Variants in PPIL6 observed in about 807,000 individuals in gnomAD.
PPIL6 encodes probable inactive peptidyl-prolyl cis-trans isomerase-like 6.
A neutral mutation model predicts 36.8 loss-of-function variants in PPIL6; 39 were observed. That is an observed-to-expected ratio of 1.06 (90% confidence interval 0.82 to 1.38). The LOEUF (loss-of-function observed/expected upper bound fraction) is 1.38. Ranked by LOEUF, PPIL6 falls within the 40% of genes most tolerant of loss-of-function variation. The probability of loss-of-function intolerance (pLI) is 0.00; values close to 1 mark genes in which losing one functional copy is unlikely to be tolerated. For missense variants in PPIL6, 368 were observed against 379.1 expected, an observed-to-expected ratio of 0.97 and a Z score of 0.24; for synonymous variants, 123 against 134.1, an observed-to-expected ratio of 0.92 and a Z score of 0.57.
At chr6:109,440,986 G>T (rs1298042175), upstream of PPIL6, 4 of 834,040 alleles carry the variant, frequency 4.8e-6, no homozygotes, top group Admixed American at 9.7e-5. Context: ...GAGCCACGCG[G>T]GCTTGGTGCC....
At chr6:109,427,064 C>G (rs932166451) in intron 4 of PPIL6, 30 bp downstream of exon 4, 2 of 1,596,248 alleles carry the variant, frequency 1.3e-6, no homozygotes, top group Admixed American at 3.3e-5. Context: ...ATCCTACCCC[C>G]ACAAACTTAC....
At chr6:109,431,043 C>T (rs1363900238) in intron 3 of PPIL6, 114 bp downstream of exon 3, 1 of 770,872 alleles carries the variant, frequency 1.3e-6, no homozygotes, top group African/African-American at 1.7e-5. Context: ...AGGCTTTAAA[C>T]TTAGTCTCCT....
At chr6:109,414,500 T>TTTG (rs1562262607) in intron 6 of PPIL6, among the ~76,000 whole-genome samples, 4 of 121,374 alleles carry the variant, frequency 3.3e-5, no homozygotes, top group African/African-American at 3.5e-5. Context: ...TTTTTTTTTT[T>TTTG]TTGAGACAAG....
chr6:109,431,996 A>C (rs1328708268), intron 2 of PPIL6, among the ~76,000 whole-genome samples: 1 of 152,214 alleles, frequency 6.6e-6, no homozygotes, highest in African/African-American at 2.4e-5. Context: ...ATTTTGTTTC[A>C]GCTTCTTCCT....
chr6:109,400,386 T>C lies in PPIL6; in HGVS notation c.689-216A>G, dbSNP rs1459914357. Among the ~76,000 whole-genome samples, 6 of 152,350 alleles carry C rather than the reference T, an allele frequency of 3.9e-5. 1 individual carries two copies. In the South Asian group the frequency reaches 1.2e-3, roughly 32 times the overall value. On this transcript the variant is annotated intron_variant, in intron 6 of 7. Coordinates refer to ENST00000521072, the MANE Select transcript of PPIL6 (RefSeq NM_173672.5). ...AAACCTTATTAGAACTATTGGAACA[T>C]TCAGCTTTAGTTTGTCTTTACCATA... is the stretch of plus-strand genomic sequence containing the variant.
At chr6:109,433,982 C>T (rs1359069716) in intron 2 of PPIL6, among the ~76,000 whole-genome samples, 1 of 152,098 alleles carries the variant, frequency 6.6e-6, no homozygotes, top group African/African-American at 2.4e-5. Context: ...AGAATCCACA[C>T]CAATTTCCTA....
At chr6:109,438,378 AC>A (rs1393281628) in intron 1 of PPIL6, among the ~76,000 whole-genome samples, 1 of 151,912 alleles carries the variant, frequency 6.6e-6, no homozygotes, top group East Asian at 1.9e-4. Context: ...GGAGTTCAAG[AC>A]CAGCCTAGGC....
intron 3 of PPIL6, among the ~76,000 whole-genome samples, chr6:109,430,394 G>A (rs1259463997): frequency 1.3e-5 from 2 of 151,182 alleles, no homozygotes; most frequent in Non-Finnish European, 2.9e-5. Context: ...CACTGGCACA[G>A]CCTGTCTGGG....
intron 6 of PPIL6, among the ~76,000 whole-genome samples, chr6:109,404,291 G>A (rs1474627622): frequency 1.3e-5 from 2 of 152,184 alleles, no homozygotes; most frequent in African/African-American, 2.4e-5. Flanking sequence ...CTGTGCCTCC[G>A]AGCACAAAGC....
intron 6 of PPIL6, among the ~76,000 whole-genome samples, chr6:109,412,056 C>T (rs963173489): frequency 6.6e-6 from 1 of 152,228 alleles, no homozygotes; most frequent in African/African-American, 2.4e-5. Context: ...AAGCACCTTT[C>T]AATCAGACCT....
intron 6 of PPIL6, among the ~76,000 whole-genome samples, 187 bp downstream of exon 6, chr6:109,419,000 T>C (rs1773407190): frequency 6.6e-6 from 1 of 152,082 alleles, no homozygotes. Context: ...GTGAAAAAAA[T>C]ATGTGTGTAT....
rs1196729910 is a variant in PPIL6 at position 109,400,068 on chromosome 6, G to C, written c.791C>G (p.Thr264Ser). Residue 264 changes from threonine to serine, a missense_variant, in exon 7 of 8, where the codon ACT (threonine) becomes AGT (serine). Thr to Ser is a moderately conservative substitution (Grantham distance 58). Coordinates refer to ENST00000521072, the MANE Select transcript of PPIL6 (RefSeq NM_173672.5). ...GSQFYITLQA[T>S]PYLDRKFVAF... ...CACAAATTTTCTATCTAGATAAGGAGTTGCTTGCAGTGTGATATAGAATTG... is the reference window on the plus strand; with the variant it reads ...CACAAATTTTCTATCTAGATAAGGACTTGCTTGCAGTGTGATATAGAATTG... 6.2e-7 allele frequency: 1 copy of C among 1,613,358 alleles called. No individual in the cohort carries two copies. The highest frequency in any genetic ancestry group is 1.7e-5 in the Admixed American group (1 of 60,000).
chr6:109,424,910 G>A (rs1171628412), intron 5 of PPIL6, among the ~76,000 whole-genome samples: 1 of 152,224 alleles, frequency 6.6e-6, no homozygotes, highest in East Asian at 1.9e-4. Flanking sequence ...GCAACCAGCA[G>A]CCCTCAGGGG....
At chr6:109,440,751 G>A, upstream of PPIL6, 1 of 390,842 alleles carries the variant, frequency 2.6e-6, no homozygotes, top group Non-Finnish European at 3.9e-6. Context: ...TTGCTGGGCC[G>A]CCGGCGCGCG....
At chr6:109,427,880 G>A in intron 3 of PPIL6, among the ~76,000 whole-genome samples, 1 of 152,184 alleles carries the variant, frequency 6.6e-6, no homozygotes, top group East Asian at 1.9e-4. Flanking sequence ...TTTTGGGAAG[G>A]ATCCATCATG....
intron 1 of PPIL6, chr6:109,440,068 A>G: frequency 3.8e-6 from 1 of 266,344 alleles, no homozygotes; most frequent in Non-Finnish European, 7.5e-6. Flanking sequence ...TGTAAAAATT[A>G]GCTAGTTATA....
intron 3 of PPIL6, among the ~76,000 whole-genome samples, chr6:109,427,606 C>T (rs1019516605): frequency 6.6e-6 from 1 of 152,090 alleles, no homozygotes; most frequent in Non-Finnish European, 1.5e-5. Context: ...AGGGTGGTCT[C>T]GAACTCCTGA....
At chr6:109,394,166 T>C (rs1040151573) in intron 7 of PPIL6, among the ~76,000 whole-genome samples, 8 of 151,924 alleles carry the variant, frequency 5.3e-5, no homozygotes, top group African/African-American at 1.9e-4. Flanking sequence ...AGCACAGCAG[T>C]TTGAGACTAG....
intron 6 of PPIL6, among the ~76,000 whole-genome samples, chr6:109,416,200 CTTTTT>C (rs35427534): frequency 8.9e-6 from 1 of 112,528 alleles, no homozygotes; most frequent in African/African-American, 3.6e-5. Context: ...TCTTTTGTGG[CTTTTT>C]TTTTTTTTTT....
Sources: gnomAD v4.1 joint callset for allele counts (sites outside exome capture counted in the v4.1 genomes callset) on GRCh38, gnomAD v4.1.1 for gene constraint, MANE v1.5 for transcripts, NCBI Gene and HGNC (gene_info 2026-07-23, HGNC 2026-07-21) for gene names.